DSCAM: variants seen among roughly 807,000 people sequenced by gnomAD.
The protein encoded by DSCAM is DS cell adhesion molecule.
In DSCAM, 47 loss-of-function variants were observed where a neutral mutation model predicts 217.7. That is an observed-to-expected ratio of 0.22 (90% confidence interval 0.17 to 0.28). DSCAM has a LOEUF of 0.28. Ranked by LOEUF, DSCAM falls within the 10% of genes least tolerant of loss-of-function variation. The pLI is 1.00. For synonymous variants in DSCAM, 1,056 were observed against 1,015.3 expected, an observed-to-expected ratio of 1.04 and a Z score of -0.76; for missense variants, 2,080 against 2,618.3, an observed-to-expected ratio of 0.79 and a Z score of 4.49.
intron 3 of DSCAM, among the ~76,000 whole-genome samples, chr21:40,654,365 T>G (rs901099071): frequency 3.9e-5 from 6 of 152,202 alleles, no homozygotes; most frequent in African/African-American, 1.4e-4. Flanking sequence ...ATAGCAGTAC[T>G]TTCTCAGCAC....
chr21:40,500,821 C>T (rs1331508222), intron 3 of DSCAM, among the ~76,000 whole-genome samples: 6 of 152,204 alleles, frequency 3.9e-5, no homozygotes, highest in Non-Finnish European at 8.8e-5. Context: ...TAGTCTCCTG[C>T]TGATGCCTCC....
intron 3 of DSCAM, among the ~76,000 whole-genome samples, chr21:40,428,647 C>A (rs895809427): frequency 3.9e-5 from 6 of 152,068 alleles, no homozygotes; most frequent in Non-Finnish European, 5.9e-5. Context: ...AAAAACTAAA[C>A]GAGAAGGCAG....
chr21:40,552,358 A>G (rs1242621805), intron 3 of DSCAM, among the ~76,000 whole-genome samples: 1 of 152,168 alleles, frequency 6.6e-6, no homozygotes, highest in African/African-American at 2.4e-5. Flanking sequence ...CTTCCAATGA[A>G]TGAGACAGAT....
intron 1 of DSCAM, among the ~76,000 whole-genome samples, chr21:40,760,261 C>T (rs921961089): frequency 6.6e-6 from 1 of 152,062 alleles, no homozygotes; most frequent in Non-Finnish European, 1.5e-5. Context: ...CATGATCTGC[C>T]CACCATGGCC....
At position 40,144,629 on chromosome 21, in the gene DSCAM, C is replaced by T; in HGVS notation, c.3121G>A (p.Asp1041Asn). 2.5e-6 allele frequency: 4 copies of T among 1,614,012 alleles called. No homozygotes were observed. The highest frequency in any genetic ancestry group is 1.3e-5 in the African/African-American group (1 of 74,976). Reference sequence around the variant, plus strand: ...TAAACCTCACTGTCCCCGCTGGTGTCGACACTGATAATGTTGAATTGGAAG... The same window carrying T: ...TAAACCTCACTGTCCCCGCTGGTGTTGACACTGATAATGTTGAATTGGAAG... ...GNFQFNIISV[D>N]TSGDSEVYTL... The change falls in exon 17 of 33, where the codon GAC (aspartate) becomes AAC (asparagine). Residue 1041 changes from aspartate (D) to asparagine (N), a missense_variant. Physicochemically the swap from Asp to Asn is conservative, Grantham distance 23 (BLOSUM62 1). Transcript: ENST00000400454. The surrounding 1 kb of genome is among the most constrained non-coding windows in gnomAD (Gnocchi z 4.8).
At chr21:40,319,680 C>T (rs1313491232) in intron 8 of DSCAM, among the ~76,000 whole-genome samples, 1 of 152,140 alleles carries the variant, frequency 6.6e-6, no homozygotes, top group Non-Finnish European at 1.5e-5. Flanking sequence ...CACTAATTTA[C>T]ATCCCCACCA....
chr21:40,105,711 GA>G, intron 20 of DSCAM, among the ~76,000 whole-genome samples: 1 of 152,008 alleles, frequency 6.6e-6, no homozygotes, highest in Middle Eastern at 3.4e-3. Context: ...GGATAACAGG[GA>G]AAAAAGACCA....
chr21:40,820,567 G>A (rs945154836), intron 1 of DSCAM, among the ~76,000 whole-genome samples: 4 of 152,136 alleles, frequency 2.6e-5, no homozygotes, highest in Non-Finnish European at 4.4e-5. Context: ...CATGGCACAT[G>A]TATACCTCTG....
intron 3 of DSCAM, among the ~76,000 whole-genome samples, chr21:40,595,482 T>G (rs2077014766): frequency 6.6e-6 from 1 of 152,138 alleles, no homozygotes; most frequent in African/African-American, 2.4e-5. Context: ...AGGCACATAC[T>G]GGGTTTCCAA....
In DSCAM at chr21:40,189,146, T is replaced by A; in HGVS notation, c.2449A>T (p.Ile817Phe). 6.2e-7 allele frequency: 1 copy of A among 1,614,160 alleles called. No individual in the cohort carries two copies. The highest frequency in any genetic ancestry group is 8.5e-7 in the Non-Finnish European group (1 of 1,180,026). Reference sequence around the variant, plus strand: ...TCCTCCTTCTCCCAGCGGACTATAATGGGCTTCTCACCATGCGCCGTGCAG... The same window carrying A: ...TCCTCCTTCTCCCAGCGGACTATAAAGGGCTTCTCACCATGCGCCGTGCAG... ...MSCTAHGEKP[I>F]IVRWEKEDRI... is the part of the protein sequence containing the mutation. The change falls in exon 12 of 33, where the codon ATT becomes TTT. Residue 817 changes from isoleucine to phenylalanine, a missense_variant. Transcript: ENST00000400454.
At chr21:40,712,833 G>GAGAGA (rs1568997882) in intron 1 of DSCAM, among the ~76,000 whole-genome samples, 2 of 152,050 alleles carry the variant, frequency 1.3e-5, no homozygotes, top group African/African-American at 4.8e-5. Context: ...GAGAGAGAGA[G>GAGAGA]AAGGTGGGGG....
At chr21:40,622,314 G>A (rs35352041) in intron 3 of DSCAM, among the ~76,000 whole-genome samples, 7,373 of 152,072 alleles carry the variant, frequency 0.048, 262 homozygotes, top group Non-Finnish European at 0.079. Context: ...AATGGGAAGC[G>A]CCACAATTTC....
intron 3 of DSCAM, among the ~76,000 whole-genome samples, chr21:40,516,671 T>G (rs2076302146): frequency 6.6e-6 from 1 of 151,950 alleles, no homozygotes. Context: ...TCAAAATGCA[T>G]CTCTATCTGC....
intron 11 of DSCAM, among the ~76,000 whole-genome samples, chr21:40,231,929 T>C (rs1289573801): frequency 1.3e-5 from 2 of 152,234 alleles, no homozygotes; most frequent in Non-Finnish European, 2.9e-5. Flanking sequence ...CTGATATATA[T>C]TTGAGCAGCA....
At chr21:40,223,612 C>T (rs1479064320) in intron 11 of DSCAM, among the ~76,000 whole-genome samples, 1 of 152,132 alleles carries the variant, frequency 6.6e-6, no homozygotes, top group Non-Finnish European at 1.5e-5. Context: ...CAGACACATC[C>T]ATGTATCTAT....
intron 3 of DSCAM, among the ~76,000 whole-genome samples, chr21:40,600,341 G>A (rs984460565): frequency 1.3e-5 from 2 of 152,164 alleles, no homozygotes; most frequent in African/African-American, 4.8e-5. Context: ...CTGGTTCATA[G>A]ATGGTGATTC....
At chr21:40,601,024 C>T (rs1033813795) in intron 3 of DSCAM, among the ~76,000 whole-genome samples, 1 of 152,094 alleles carries the variant, frequency 6.6e-6, no homozygotes. Context: ...TTTAGCTTTC[C>T]ATGTAAGCTT....
chr21:40,467,951 A>C (rs1167744711), intron 3 of DSCAM, among the ~76,000 whole-genome samples: 6 of 147,146 alleles, frequency 4.1e-5, no homozygotes, highest in African/African-American at 1.0e-4. Flanking sequence ...AAAAAAAAAA[A>C]CTACATAGCT....
intron 16 of DSCAM, among the ~76,000 whole-genome samples, chr21:40,155,704 A>G (rs902899340): frequency 2.6e-5 from 4 of 152,098 alleles, no homozygotes; most frequent in African/African-American, 9.7e-5. Flanking sequence ...GGGAGGGCCA[A>G]TCATGATCCA....
Sources: gnomAD v4.1 joint callset for allele counts (sites outside exome capture counted in the v4.1 genomes callset) on GRCh38, gnomAD v4.1.1 for gene constraint, Gnocchi (gnomAD v3.1) non-coding constraint, MANE v1.5 for transcripts, NCBI Gene and HGNC (gene_info 2026-07-23, HGNC 2026-07-21) for gene names.